KDM4C: variants seen among roughly 807,000 people sequenced by gnomAD.
The protein encoded by KDM4C is lysine demethylase 4C, also known as lysine-specific demethylase 4C.
KDM4C carries 81 observed loss-of-function variants against 129.3 expected under a neutral mutation model. The observed-to-expected ratio is 0.63, with a 90% CI of 0.52 to 0.75. The LOEUF (loss-of-function observed/expected upper bound fraction) is 0.75. Ranked by LOEUF, KDM4C falls within the 30% of genes least tolerant of loss-of-function variation. The pLI is 0.00. For synonymous variants in KDM4C, 573 were observed against 456.1 expected (o/e 1.26, Z -3.26); for missense variants, 1,457 against 1,304.0 (o/e 1.12, Z -1.81).
intron 12 of KDM4C, among the ~76,000 whole-genome samples, chr9:6,992,123 C>G (rs1185695773): frequency 2.0e-5 from 3 of 151,896 alleles, no homozygotes; most frequent in African/African-American, 7.3e-5. Context: ...ATGTATAATG[C>G]TCATGATTGT....
intron 3 of KDM4C, among the ~76,000 whole-genome samples, chr9:6,808,057 CGCCCCTGCTGG>C (rs1830445265): frequency 1.1e-5 from 1 of 94,184 alleles, no homozygotes; most frequent in South Asian, 3.7e-4. Flanking sequence ...TCTGCCCGGC[CGCCCCTGCTGG>C]GAAGTGAGGA....
At chr9:7,027,083 C>T (rs1340656501) in intron 15 of KDM4C, among the ~76,000 whole-genome samples, 3 of 152,074 alleles carry the variant, frequency 2.0e-5, no homozygotes, top group African/African-American at 4.8e-5. Context: ...CCAGGACTGG[C>T]CCCTGGTGCC....
chr9:6,800,175 C>G (rs996679385), intron 2 of KDM4C, among the ~76,000 whole-genome samples: 2 of 152,040 alleles, frequency 1.3e-5, no homozygotes, highest in African/African-American at 4.8e-5. Context: ...TGAGACCAAC[C>G]TGGACAAATG....
At chr9:6,928,755 T>G (rs563268035) in intron 8 of KDM4C, among the ~76,000 whole-genome samples, 2 of 152,358 alleles carry the variant, frequency 1.3e-5, no homozygotes, top group Admixed American at 1.3e-4. Flanking sequence ...AAGCCTTCAC[T>G]TTTTAACTAC....
At chr9:6,934,031 G>A (rs928116498) in intron 8 of KDM4C, among the ~76,000 whole-genome samples, 2 of 151,806 alleles carry the variant, frequency 1.3e-5, no homozygotes, top group Non-Finnish European at 2.9e-5. Flanking sequence ...TGTACTTTTT[G>A]TAGAGATGGG....
In KDM4C at chr9:7,169,780, TA is replaced by T; in HGVS notation, c.2902-17del. ...GCTGTTTTTTTAATATGTATCATGT[TA>T]TATTATCTTTCATTAGGTTGAGTTT... On this transcript the variant is annotated splice_polypyrimidine_tract_variant and intron_variant, in intron 20 of 21. Transcript: ENST00000381309. The T allele has an allele frequency of 6.3e-7, 1 of 1,587,216 alleles. No individual in the cohort carries two copies. Among genetic ancestry groups the T allele is most frequent in the Non-Finnish European group, 8.6e-7 (1 of 1,158,952 alleles).
At chr9:6,807,410 C>T (rs1377974475) in intron 3 of KDM4C, among the ~76,000 whole-genome samples, 3 of 144,808 alleles carry the variant, frequency 2.1e-5, no homozygotes, top group Non-Finnish European at 4.6e-5. Flanking sequence ...CGTCTCCGCC[C>T]GGCCGCCATC....
At chr9:7,063,181 T>A (rs12237215) in intron 17 of KDM4C, among the ~76,000 whole-genome samples, 21,750 of 152,234 alleles carry the variant, frequency 0.14, 1,879 homozygotes, top group East Asian at 0.24. Context: ...AAGAGATAGT[T>A]TTGGGGACCA....
chr9:6,774,752 A>G lies in KDM4C; in HGVS notation c.-18+16549A>G, dbSNP rs73639357. Among the ~76,000 whole-genome samples, 1,134 of 152,330 alleles carry G rather than the reference A, an allele frequency of 7.4e-3. 14 individuals carry two copies. Among genetic ancestry groups the G allele is most frequent in the African/African-American group, 0.026 (1,074 of 41,562 alleles). ...ATTGTTTCATCTTAAAAAAGGTTTT[A>G]TATGATACTTGGGGCATGCAAAAGA... On this transcript the variant is annotated intron_variant, in intron 1 of 21. Transcript: ENST00000381309.
chr9:6,770,364 C>G (rs1480624302), intron 1 of KDM4C, among the ~76,000 whole-genome samples: 1 of 152,068 alleles, frequency 6.6e-6, no homozygotes, highest in Non-Finnish European at 1.5e-5. Context: ...TTAAACTTGT[C>G]AAGCTGTCAA....
chr9:6,917,485 A>T (rs1485079035), intron 8 of KDM4C, among the ~76,000 whole-genome samples: 1 of 152,118 alleles, frequency 6.6e-6, no homozygotes, highest in Non-Finnish European at 1.5e-5. Flanking sequence ...TCACTTTGTT[A>T]TACTCATCTG....
chr9:7,016,209 G>C (rs1052507844), intron 15 of KDM4C, among the ~76,000 whole-genome samples: 3 of 151,462 alleles, frequency 2.0e-5, no homozygotes, highest in Non-Finnish European at 2.9e-5. Context: ...CTCACTGCAA[G>C]CTCCACCTTC....
chr9:6,744,744 G>C (rs773348597), intron 1 of KDM4C, among the ~76,000 whole-genome samples: 1 of 151,990 alleles, frequency 6.6e-6, no homozygotes, highest in Non-Finnish European at 1.5e-5. Flanking sequence ...CCTTGTTGGA[G>C]GTTTGGGCAC....
chr9:7,069,533 CA>C lies in KDM4C; in HGVS notation c.2424+20339del, dbSNP rs1009811103. Among the ~76,000 whole-genome samples, 451 of 152,210 alleles carry C rather than the reference CA, an allele frequency of 3.0e-3. 1 individual carries two copies. Among genetic ancestry groups the C allele is most frequent in the African/African-American group, 9.5e-3 (396 of 41,544 alleles). ...TTTCTAAAAGCAAAACAAAACAAAACAAAAAACTTTAAATTTTAAAATAATT... is the reference window on the plus strand; with the variant it reads ...TTTCTAAAAGCAAAACAAAACAAAACAAAAACTTTAAATTTTAAAATAATT... On this transcript the variant is annotated intron_variant, in intron 17 of 21. Coordinates refer to ENST00000381309, the MANE Select transcript of KDM4C (RefSeq NM_015061.6).
At chr9:6,808,827 T>C (rs1390833061) in intron 3 of KDM4C, among the ~76,000 whole-genome samples, 1 of 152,012 alleles carries the variant, frequency 6.6e-6, no homozygotes, top group Non-Finnish European at 1.5e-5. Flanking sequence ...GGGAGGAGTG[T>C]CAATGAATTT....
In KDM4C at chr9:6,760,236, C is replaced by G. The variant is rs1477878506; in HGVS notation, c.-18+2033C>G. ...GGTCTTCTGTGAGTGACTTCTTTCA[C>G]TTGGCATAATGTTTTTTAAGGTTCA... On this transcript the variant is annotated intron_variant, in intron 1 of 21. Transcript: ENST00000381309. Among the ~76,000 whole-genome samples the G allele has an allele frequency of 9.2e-5, 14 of 151,860 alleles. No homozygotes were observed. The East Asian group carries it at 1.9e-3, about 21-fold the overall frequency.
chr9:7,081,123 A>G (rs573318695), intron 17 of KDM4C, among the ~76,000 whole-genome samples: 3 of 152,324 alleles, frequency 2.0e-5, no homozygotes, highest in African/African-American at 7.2e-5. Flanking sequence ...AGGCTGAGTA[A>G]CTGATCTTCC....
At chr9:7,053,315 A>G (rs964211194) in intron 17 of KDM4C, among the ~76,000 whole-genome samples, 1 of 152,206 alleles carries the variant, frequency 6.6e-6, no homozygotes, top group African/African-American at 2.4e-5. Flanking sequence ...CCTCTGGTAA[A>G]TTATTCGTGC....
chr9:6,894,771 C>T (rs527627411), intron 8 of KDM4C, among the ~76,000 whole-genome samples: 3 of 152,302 alleles, frequency 2.0e-5, no homozygotes, highest in African/African-American at 7.2e-5. Context: ...TCCCAGCTGA[C>T]AGAGCCCATC....
Sources: allele counts gnomAD v4.1 joint callset (sites outside exome capture counted in the v4.1 genomes callset), GRCh38; gene constraint gnomAD v4.1.1; transcripts MANE v1.5; gene names NCBI Gene and HGNC (gene_info 2026-07-23, HGNC 2026-07-21).